LINGO1: variants seen among roughly 807,000 people sequenced by gnomAD.
LINGO1 encodes leucine-rich repeat and immunoglobulin-like domain-containing nogo receptor-interacting protein 1.
LINGO1 carries 11 observed loss-of-function variants against 37.3 expected under a neutral mutation model. The observed-to-expected ratio is 0.29, with a 90% CI of 0.19 to 0.49. LINGO1 has a LOEUF of 0.49. Ranked by LOEUF, LINGO1 falls within the 20% of genes least tolerant of loss-of-function variation. The pLI is 0.99. For synonymous variants in LINGO1, 387 were observed against 403.0 expected (o/e 0.96, Z 0.48); for missense variants, 585 against 878.2 (o/e 0.67, Z 4.22).
chr15:77,657,337 C>T (rs956952493), intron 3 of LINGO1, among the ~76,000 whole-genome samples: 6 of 149,092 alleles, frequency 4.0e-5, no homozygotes, highest in African/African-American at 9.9e-5. Context: ...GATGAGGGGC[C>T]GGGGGTGGGG....
intron 2 of LINGO1, among the ~76,000 whole-genome samples, chr15:77,705,813 C>G (rs149687941): frequency 1.3e-5 from 2 of 152,304 alleles, no homozygotes; most frequent in Non-Finnish European, 2.9e-5. Context: ...GAGAGTCAGC[C>G]ACTGACTCCA....
chr15:77,790,704 T>TG (rs902680853), upstream of LINGO1, among the ~76,000 whole-genome samples: 7 of 151,974 alleles, frequency 4.6e-5, no homozygotes, highest in Non-Finnish European at 7.4e-5. Context: ...CCGCTGGGTT[T>TG]GGGGGGGTGG....
At chr15:77,715,490 T>G (rs2141300653) in intron 2 of LINGO1, among the ~76,000 whole-genome samples, 1 of 152,354 alleles carries the variant, frequency 6.6e-6, no homozygotes, top group Admixed American at 6.5e-5. Context: ...CCTGTGATGC[T>G]GGGACTTGGG....
intron 3 of LINGO1, among the ~76,000 whole-genome samples, chr15:77,652,531 T>TGTGTGTGTGTGTGTGTGTGTGTG (rs55988808): frequency 2.8e-5 from 4 of 141,542 alleles, no homozygotes; most frequent in South Asian, 4.3e-4. Flanking sequence ...TGTGTGTGTG[T>TGTGTGTGTGTGTGTGTGTGTGTG]TGCCAGAATA....
At chr15:77,699,287 G>A (rs1438354318), upstream of LINGO1, among the ~76,000 whole-genome samples, 2 of 150,090 alleles carry the variant, frequency 1.3e-5, no homozygotes, top group African/African-American at 2.5e-5. Flanking sequence ...CACACAGTAA[G>A]TGCATACTAA....
intron 1 of LINGO1, among the ~76,000 whole-genome samples, chr15:77,785,294 C>T (rs946738906): frequency 5.3e-5 from 8 of 152,334 alleles, no homozygotes; most frequent in South Asian, 4.1e-4. Flanking sequence ...CTAGTTCACA[C>T]ATTTTGGCTG....
At chr15:77,801,387 G>A (rs1567591970) in intron 1 of LINGO1, among the ~76,000 whole-genome samples, 1 of 152,180 alleles carries the variant, frequency 6.6e-6, no homozygotes, top group Non-Finnish European at 1.5e-5. Context: ...AAATCAAGCT[G>A]TAAAATGCTA....
chr15:77,741,393 T>C (rs12903563), intron 1 of LINGO1, among the ~76,000 whole-genome samples: 77,142 of 152,088 alleles, frequency 0.51, 19,638 homozygotes, highest in Admixed American at 0.6. Context: ...TCAGGTTTTC[T>C]ACCCTCTGCC....
intron 3 of LINGO1, among the ~76,000 whole-genome samples, chr15:77,659,282 A>G (rs79119021): frequency 9.2e-4 from 140 of 152,222 alleles, no homozygotes; most frequent in Middle Eastern, 3.4e-3. Context: ...CCCCACTCCC[A>G]AACCTTAGGG....
intron 3 of LINGO1, among the ~76,000 whole-genome samples, chr15:77,662,473 C>T (rs543481332): frequency 6.6e-6 from 1 of 152,264 alleles, no homozygotes; most frequent in Admixed American, 6.5e-5. Context: ...TGACCCCACC[C>T]TCACCTTCTC....
chr15:77,723,487 G>C (rs942585064), intron 2 of LINGO1, among the ~76,000 whole-genome samples: 38 of 152,192 alleles, frequency 2.5e-4, no homozygotes, highest in African/African-American at 8.7e-4. Flanking sequence ...GACGTGCCCG[G>C]CACGTGTCCC....
intron 1 of LINGO1, chr15:77,784,856 G>A (rs2076755982): frequency 1.3e-5 from 2 of 152,002 alleles, no homozygotes; most frequent in Non-Finnish European, 2.9e-5. Context: ...GCGCTGTGTG[G>A]CATTGGATCA....
intron 1 of LINGO1, among the ~76,000 whole-genome samples, chr15:77,816,207 T>C (rs938169710): frequency 1.3e-5 from 2 of 152,204 alleles, no homozygotes; most frequent in African/African-American, 4.8e-5. Flanking sequence ...TGTTTCCCCT[T>C]TGAGAGCCCA....
intron 1 of LINGO1, among the ~76,000 whole-genome samples, chr15:77,619,628 AGTG>A (rs2073854645): frequency 6.6e-6 from 1 of 152,162 alleles, no homozygotes; most frequent in Admixed American, 6.6e-5. Context: ...TTGAGGCTAC[AGTG>A]AACTGTGATT....
At chr15:77,731,105 CG>C (rs1417016444) in intron 2 of LINGO1, among the ~76,000 whole-genome samples, 9 of 152,176 alleles carry the variant, frequency 5.9e-5, no homozygotes, top group Admixed American at 5.9e-4. Flanking sequence ...TTTATTATTC[CG>C]GGTACCTTCC....
chr15:77,750,274 T>C (rs1329250769), intron 1 of LINGO1, among the ~76,000 whole-genome samples: 3 of 152,170 alleles, frequency 2.0e-5, no homozygotes, highest in Admixed American at 6.5e-5. Flanking sequence ...TCCCCTACTC[T>C]CACTAGCAAA....
chr15:77,733,607 G>A (rs781760279), intron 2 of LINGO1, among the ~76,000 whole-genome samples: 1 of 152,170 alleles, frequency 6.6e-6, no homozygotes, highest in African/African-American at 2.4e-5. Context: ...CCTCGCGACC[G>A]AGGCCTCAGG....
At chr15:77,708,712 A>G in intron 2 of LINGO1, among the ~76,000 whole-genome samples, 1 of 152,208 alleles carries the variant, frequency 6.6e-6, no homozygotes, top group East Asian at 1.9e-4. Flanking sequence ...CAAGAGTTCG[A>G]GACCAGCCTG....
chr15:77,819,871 C>T (rs1430087813), intron 1 of LINGO1, among the ~76,000 whole-genome samples: 1 of 150,714 alleles, frequency 6.6e-6, no homozygotes, highest in Non-Finnish European at 1.5e-5. Flanking sequence ...CCCTCCGCGG[C>T]GCCGCCGCCC....
Sources: allele counts gnomAD v4.1 joint callset (sites outside exome capture counted in the v4.1 genomes callset), GRCh38; gene constraint gnomAD v4.1.1; transcripts MANE v1.5; gene names NCBI Gene and HGNC (gene_info 2026-07-23, HGNC 2026-07-21).